The following TENM4 variants were observed in gnomAD, a reference collection of about 807,000 sequenced individuals.
TENM4 encodes teneurin-4.
TENM4 carries 82 observed loss-of-function variants against 243.3 expected under a neutral mutation model. The ratio of observed to expected loss-of-function variants is 0.34; its 90% CI spans 0.28 to 0.40. The LOEUF (loss-of-function observed/expected upper bound fraction) is 0.40, where lower values mean the gene tolerates loss of function less well. Among genes scored for constraint, TENM4 ranks in the 10% least tolerant of loss-of-function variants. TENM4 has a pLI of 1.00. For missense variants in TENM4, 3,138 were observed against 3,673.3 expected (o/e 0.85, Z 3.77); for synonymous variants, 1,412 against 1,456.3 (o/e 0.97, Z 0.69).
At chr11:79,046,393 A>G (rs1859658857) in intron 6 of TENM4, among the ~76,000 whole-genome samples, 1 of 152,128 alleles carries the variant, frequency 6.6e-6, no homozygotes. Context: ...AGAGCCTGTC[A>G]TAGTGCCTGG....
intron 1 of TENM4, among the ~76,000 whole-genome samples, chr11:79,374,228 C>G (rs1032425328): frequency 2.0e-5 from 3 of 152,150 alleles, no homozygotes; most frequent in African/African-American, 4.8e-5. Flanking sequence ...TCGCCTCCAA[C>G]ACACATGGCT....
chr11:79,254,188 C>T (rs1411427382), intron 2 of TENM4, among the ~76,000 whole-genome samples: 1 of 152,186 alleles, frequency 6.6e-6, no homozygotes, highest in Non-Finnish European at 1.5e-5. Context: ...TTACTCTCCA[C>T]TTACACCCAT....
At chr11:79,138,235 G>C (rs868814309) in intron 4 of TENM4, among the ~76,000 whole-genome samples, 1 of 145,576 alleles carries the variant, frequency 6.9e-6, no homozygotes, top group Non-Finnish European at 1.5e-5. Flanking sequence ...GGACTGGCTC[G>C]CTTTGCTCTT....
chr11:79,290,369 T>C (rs1206570874), intron 2 of TENM4, among the ~76,000 whole-genome samples: 1 of 152,224 alleles, frequency 6.6e-6, no homozygotes, highest in Non-Finnish European at 1.5e-5. Flanking sequence ...GTTATTTCTT[T>C]TGAGCAAAAG....
chr11:79,134,302 T>TAGAG (rs1862067629), intron 4 of TENM4, among the ~76,000 whole-genome samples: 1 of 151,906 alleles, frequency 6.6e-6, no homozygotes, highest in African/African-American at 2.4e-5. Flanking sequence ...AGTCAAAAGA[T>TAGAG]CTCTACAAGG....
At chr11:78,902,105 TC>T (rs1048149170) in intron 7 of TENM4, among the ~76,000 whole-genome samples, 19 of 152,318 alleles carry the variant, frequency 1.2e-4, no homozygotes, top group African/African-American at 4.6e-4. Context: ...AATCTACGTT[TC>T]CCACTACTTT....
chr11:79,159,918 G>T (rs1014534878), intron 3 of TENM4, among the ~76,000 whole-genome samples: 2 of 152,032 alleles, frequency 1.3e-5, no homozygotes, highest in Admixed American at 1.3e-4. Flanking sequence ...AATCACACTT[G>T]TTCACTCATT....
intron 6 of TENM4, among the ~76,000 whole-genome samples, chr11:79,024,707 G>A (rs552688874): frequency 1.1e-4 from 16 of 152,272 alleles, no homozygotes; most frequent in Middle Eastern, 6.8e-3. Flanking sequence ...ACACATTGTT[G>A]CTTGAATTAT....
At chr11:79,268,797 T>C (rs901458000) in intron 2 of TENM4, among the ~76,000 whole-genome samples, 8 of 152,236 alleles carry the variant, frequency 5.3e-5, no homozygotes, top group African/African-American at 1.9e-4. Context: ...TTTTTGTTGG[T>C]GATTTCATTG....
intron 27 of TENM4, among the ~76,000 whole-genome samples, chr11:78,708,108 G>A (rs1859301243): frequency 6.6e-6 from 1 of 152,234 alleles, no homozygotes; most frequent in Non-Finnish European, 1.5e-5. Flanking sequence ...CTACTCTGCT[G>A]CTGCTGAGGT....
chr11:79,210,547 C>G (rs1863936668), intron 3 of TENM4, among the ~76,000 whole-genome samples: 1 of 152,092 alleles, frequency 6.6e-6, no homozygotes, highest in African/African-American at 2.4e-5. Flanking sequence ...AGCGTGGAGT[C>G]GTGGGAAAAG....
intron 3 of TENM4, among the ~76,000 whole-genome samples, chr11:79,152,475 A>C (rs1308269019): frequency 6.6e-6 from 1 of 152,204 alleles, no homozygotes; most frequent in East Asian, 1.9e-4. Flanking sequence ...TGCTTTCTGG[A>C]TGGCTAAAAA....
chr11:79,274,477 T>C (rs760603615), intron 2 of TENM4, among the ~76,000 whole-genome samples: 43 of 152,222 alleles, frequency 2.8e-4, no homozygotes, highest in Non-Finnish European at 5.7e-4. Context: ...TTCTCAAGCT[T>C]CTTCTTTGTT....
chr11:79,283,994 A>T (rs1433691612), intron 2 of TENM4, among the ~76,000 whole-genome samples: 1 of 152,202 alleles, frequency 6.6e-6, no homozygotes, highest in African/African-American at 2.4e-5. Context: ...ATAAATTTAA[A>T]AAAAGAAGTG....
intron 1 of TENM4, among the ~76,000 whole-genome samples, chr11:79,360,407 C>A (rs978386519): frequency 2.0e-5 from 3 of 152,168 alleles, no homozygotes; most frequent in African/African-American, 4.8e-5. Flanking sequence ...TCAGGATCAG[C>A]GTGTTGATTC....
chr11:78,920,372 G>C (rs1856422388), intron 6 of TENM4, among the ~76,000 whole-genome samples: 1 of 152,166 alleles, frequency 6.6e-6, no homozygotes. Flanking sequence ...TAAGAAAAAT[G>C]TCCTGTAATG....
At chr11:78,971,173 G>A (rs1255163520) in intron 6 of TENM4, among the ~76,000 whole-genome samples, 1 of 151,906 alleles carries the variant, frequency 6.6e-6, no homozygotes, top group East Asian at 1.9e-4. Context: ...ATAGGTGTGA[G>A]CCAAGTTCTT....
intron 6 of TENM4, among the ~76,000 whole-genome samples, chr11:79,000,491 G>T (rs1179562569): frequency 6.6e-6 from 1 of 151,862 alleles, no homozygotes; most frequent in Non-Finnish European, 1.5e-5. Context: ...GCAAAAGAAA[G>T]AAGAAAGGAA....
At chr11:78,941,629 C>T (rs867241166) in intron 6 of TENM4, among the ~76,000 whole-genome samples, 1 of 152,180 alleles carries the variant, frequency 6.6e-6, no homozygotes, top group South Asian at 2.1e-4. Flanking sequence ...CCACAAGCAG[C>T]AGGTGCTGGG....
Sources: gnomAD v4.1 joint callset for allele counts (sites outside exome capture counted in the v4.1 genomes callset) on GRCh38, gnomAD v4.1.1 for gene constraint, MANE v1.5 for transcripts, NCBI Gene and HGNC (gene_info 2026-07-23, HGNC 2026-07-21) for gene names.